Variants in CNTNAP2 observed in about 807,000 individuals in gnomAD.
CNTNAP2 encodes the protein contactin associated protein 2.
CNTNAP2 carries 98 observed loss-of-function variants against 155.2 expected under a neutral mutation model. That is an observed-to-expected ratio of 0.63 (90% CI 0.54 to 0.75). The LOEUF (loss-of-function observed/expected upper bound fraction) is 0.75, where lower values mean the gene tolerates loss of function less well. Among genes scored for constraint, CNTNAP2 ranks in the 30% least tolerant of loss-of-function variants. The pLI, the probability that CNTNAP2 is intolerant of heterozygous loss-of-function variation, is 0.00. For synonymous variants in CNTNAP2, 651 were observed against 631.2 expected (o/e 1.03, Z -0.47); for missense variants, 1,727 against 1,688.1 (o/e 1.02, Z -0.40).
intron 11 of CNTNAP2, among the ~76,000 whole-genome samples, chr7:147,541,856 T>G (rs1799646123): frequency 6.6e-6 from 1 of 152,190 alleles, no homozygotes; most frequent in Non-Finnish European, 1.5e-5. Context: ...CACTTAATCA[T>G]TAGCGATTTA....
At chr7:147,478,565 A>G (rs1209408033) in intron 10 of CNTNAP2, among the ~76,000 whole-genome samples, 1 of 152,168 alleles carries the variant, frequency 6.6e-6, no homozygotes, top group Non-Finnish European at 1.5e-5. Flanking sequence ...ATGCTACCCA[A>G]AGCTCAGATT....
chr7:147,414,006 G>A (rs1048366039), intron 10 of CNTNAP2, among the ~76,000 whole-genome samples: 4 of 152,202 alleles, frequency 2.6e-5, no homozygotes, highest in African/African-American at 9.6e-5. Context: ...ACCAACTGAA[G>A]TTTGCTCAAA....
chr7:146,652,686 A>T (rs1301956338), intron 1 of CNTNAP2, among the ~76,000 whole-genome samples: 1 of 152,154 alleles, frequency 6.6e-6, no homozygotes, highest in Non-Finnish European at 1.5e-5. Context: ...GAACTTCAAG[A>T]AGTAGTAGAA....
intron 12 of CNTNAP2, among the ~76,000 whole-genome samples, chr7:147,637,579 A>G (rs1304007918): frequency 6.6e-6 from 1 of 151,954 alleles, no homozygotes; most frequent in Non-Finnish European, 1.5e-5. Context: ...TTCCTTTGCA[A>G]TTTATCAGTT....
intron 3 of CNTNAP2, among the ~76,000 whole-genome samples, chr7:146,990,552 A>AT (rs34213250): frequency 5.9e-5 from 9 of 151,348 alleles, no homozygotes; most frequent in East Asian, 2.0e-4. Flanking sequence ...TCTGTGGCTG[A>AT]TTTTTTTTTC....
rs1052436352 is a variant in CNTNAP2, at chr7:146,922,269, A to G, written c.402+82365A>G. On this transcript the variant is annotated intron_variant, in intron 3 of 23. Coordinates refer to ENST00000361727, the MANE Select transcript of CNTNAP2 (RefSeq NM_014141.6). ...AAAGAAAACTTAATAAAGGAAAAAAAAAAAACGCCACTTTCAGCCTTTTCA... is the reference window on the plus strand; with the variant it reads ...AAAGAAAACTTAATAAAGGAAAAAAGAAAAACGCCACTTTCAGCCTTTTCA... Among the ~76,000 whole-genome samples, 45 of 152,194 alleles carry G rather than the reference A, an allele frequency of 3.0e-4. No individual in the cohort carries two copies. The East Asian group carries it at 8.1e-3, about 27-fold the overall frequency.
intron 12 of CNTNAP2, among the ~76,000 whole-genome samples, chr7:147,625,422 A>G (rs1794952971): frequency 6.6e-6 from 1 of 152,188 alleles, no homozygotes; most frequent in African/African-American, 2.4e-5. Context: ...AAAATATTGT[A>G]TGGTTCCAAA....
intron 1 of CNTNAP2, among the ~76,000 whole-genome samples, chr7:146,125,433 G>A (rs1290379334): frequency 1.3e-5 from 2 of 151,478 alleles, no homozygotes; most frequent in African/African-American, 4.9e-5. Flanking sequence ...AAAATTAGCC[G>A]GGCGTTGTGG....
chr7:147,714,011 T>C (rs577432103), intron 13 of CNTNAP2, among the ~76,000 whole-genome samples: 1 of 152,240 alleles, frequency 6.6e-6, no homozygotes, highest in East Asian at 1.9e-4. Context: ...TGCATGCCAT[T>C]TGCATCCCAT....
intron 14 of CNTNAP2, among the ~76,000 whole-genome samples, chr7:147,953,284 C>T (rs181106560): frequency 2.4e-3 from 358 of 152,266 alleles, no homozygotes; most frequent in African/African-American, 8.5e-3. Flanking sequence ...CTAAACCAAG[C>T]TGAGTAGTGT....
At chr7:147,402,472 C>T (rs1186391305) in intron 10 of CNTNAP2, among the ~76,000 whole-genome samples, 1 of 152,156 alleles carries the variant, frequency 6.6e-6, no homozygotes, top group Non-Finnish European at 1.5e-5. Flanking sequence ...CAGCTATTCC[C>T]AGCATGTCTG....
chr7:146,383,203 A>G (rs1222598425), intron 1 of CNTNAP2, among the ~76,000 whole-genome samples: 3 of 152,174 alleles, frequency 2.0e-5, no homozygotes, highest in African/African-American at 7.2e-5. Flanking sequence ...GATTTTAAGG[A>G]AGCCATCAGT....
At chr7:147,288,108 CAT>C (rs1231095513) in intron 8 of CNTNAP2, among the ~76,000 whole-genome samples, 3 of 152,164 alleles carry the variant, frequency 2.0e-5, no homozygotes, top group Non-Finnish European at 4.4e-5. Flanking sequence ...TGCATCAAAT[CAT>C]CATGTGGCTG....
Position 147,646,984 on chromosome 7 carries a change from CTT to C in CNTNAP2, c.2098+7692_2098+7693del, listed in dbSNP as rs370340266. The stretch of plus-strand genomic sequence containing the variant: ...TGTGGATGGAATGTTATTATGTTCA[CTT>C]TTTTTTTTTTTTTGAGACGGAATCT... On this transcript the variant is annotated intron_variant, in intron 13 of 23. Coordinates refer to ENST00000361727, the MANE Select transcript of CNTNAP2 (RefSeq NM_014141.6). Among the ~76,000 whole-genome samples, 665 of 140,590 alleles carry C rather than the reference CTT, an allele frequency of 4.7e-3. 4 individuals are homozygous for C. The highest frequency in any genetic ancestry group is 0.016 in the African/African-American group (607 of 38,602). The allele number at this position is 140,590 out of a possible 152,430, so 92.2% of individuals were successfully genotyped here.
At chr7:147,693,486 C>A (rs1050184258) in intron 13 of CNTNAP2, among the ~76,000 whole-genome samples, 1 of 151,896 alleles carries the variant, frequency 6.6e-6, no homozygotes, top group African/African-American at 2.4e-5. Context: ...ATCAGCTGTT[C>A]ATTTCGTTCT....
chr7:147,978,531 G>T (rs181480447), intron 15 of CNTNAP2, among the ~76,000 whole-genome samples: 14 of 152,222 alleles, frequency 9.2e-5, no homozygotes, highest in African/African-American at 3.4e-4. Context: ...TTCAAGATTA[G>T]TCACCCCAGA....
chr7:146,199,237 A>G (rs913816045), intron 1 of CNTNAP2, among the ~76,000 whole-genome samples: 2 of 152,140 alleles, frequency 1.3e-5, no homozygotes, highest in Non-Finnish European at 2.9e-5. Context: ...AGTGGATGTC[A>G]TTTTTTTCTT....
intron 9 of CNTNAP2, among the ~76,000 whole-genome samples, chr7:147,330,021 C>A (rs1048720380): frequency 6.6e-6 from 1 of 152,086 alleles, no homozygotes; most frequent in Non-Finnish European, 1.5e-5. Flanking sequence ...GCAGGAATGT[C>A]TTTTATTGGT....
intron 8 of CNTNAP2, among the ~76,000 whole-genome samples, chr7:147,294,698 G>A (rs1805394954): frequency 6.6e-6 from 1 of 151,246 alleles, no homozygotes; most frequent in East Asian, 1.9e-4. Flanking sequence ...TGCTCTTGTT[G>A]CCCATTCTGG....
Sources: allele counts gnomAD v4.1 joint callset (sites outside exome capture counted in the v4.1 genomes callset), GRCh38; gene constraint gnomAD v4.1.1; transcripts MANE v1.5; gene names NCBI Gene and HGNC (gene_info 2026-07-23, HGNC 2026-07-21).